MRPS25: variants seen among roughly 807,000 people sequenced by gnomAD.
MRPS25 encodes the protein small ribosomal subunit protein mS25.
MRPS25 carries 15 observed loss-of-function variants against 17.3 expected under a neutral mutation model. The observed-to-expected ratio is 0.87, with a 90% CI of 0.58 to 1.34. The LOEUF is 1.34. Ranked by LOEUF, MRPS25 falls within the 40% of genes most tolerant of loss-of-function variation. The pLI is 0.00. For missense variants in MRPS25, 225 were observed against 218.6 expected (o/e 1.03, Z -0.19); for synonymous variants, 94 against 83.3 (o/e 1.13, Z -0.70).
Position 15,065,057 on chromosome 3 carries a change from T to C in MRPS25, c.134+4A>G, listed in dbSNP as rs1370964909. On this transcript the variant is annotated splice_donor_region_variant and intron_variant, in intron 1 of 3. Transcript: ENST00000253686. Reference sequence around the variant, plus strand: ...CTCGCCAGGCGGCCGGGGCTGCGACTGACCTGGCGCCCTCGCCCAGCTCCC... The same window carrying C: ...CTCGCCAGGCGGCCGGGGCTGCGACCGACCTGGCGCCCTCGCCCAGCTCCC... 6.3e-7 allele frequency: 1 copy of C among 1,577,892 alleles called. No individual in the cohort carries two copies. The highest frequency in any genetic ancestry group is 8.6e-7 in the Non-Finnish European group (1 of 1,165,924).
intron 2 of MRPS25, among the ~76,000 whole-genome samples, chr3:15,058,285 G>T (rs886682920): frequency 6.6e-6 from 1 of 152,038 alleles, no homozygotes; most frequent in Non-Finnish European, 1.5e-5. Context: ...CGCCTCCCAG[G>T]TTCACACCAT....
intron 2 of MRPS25, among the ~76,000 whole-genome samples, chr3:15,057,467 C>A (rs567772889): frequency 5.3e-5 from 8 of 152,360 alleles, no homozygotes; most frequent in Admixed American, 4.6e-4. Context: ...GCAGCAAAAA[C>A]CACGAAACAT....
chr3:15,055,720 G>A (rs965837370), intron 2 of MRPS25, among the ~76,000 whole-genome samples: 1 of 151,434 alleles, frequency 6.6e-6, no homozygotes, highest in African/African-American at 2.4e-5. Flanking sequence ...GTGAGACTCC[G>A]TCTTTTAAAA....
In MRPS25 at chr3:15,051,291, C is replaced by T. The variant is rs2042601923; in HGVS notation, c.*1150G>A. 1 of 690,360 alleles carries T rather than the reference C, an allele frequency of 1.4e-6. No homozygotes were observed. Among genetic ancestry groups the T allele is most frequent in the African/African-American group, 1.9e-5 (1 of 51,480 alleles). 42.8% of individuals were successfully genotyped at this position (690,360 alleles called of 1,614,324 possible). A position where few individuals can be genotyped will look rare whatever the true frequency, so the allele number is the denominator to read the frequency against. ...GCCTTGATCTCGCAGGCTCGAGATCCTCCCACCTCAGCTTCCCAAATAGCT... is the reference window on the plus strand; with the variant it reads ...GCCTTGATCTCGCAGGCTCGAGATCTTCCCACCTCAGCTTCCCAAATAGCT... On this transcript the variant is annotated 3_prime_UTR_variant, in exon 4 of 4. Coordinates refer to ENST00000253686, the MANE Select transcript of MRPS25 (RefSeq NM_022497.5).
At position 15,052,101 on chromosome 3, in the gene MRPS25, C is replaced by T. The variant is rs1559326459; in HGVS notation, c.*340G>A. The T allele has an allele frequency of 9.6e-7, 1 of 1,045,712 alleles. No homozygotes were observed. The highest frequency in any genetic ancestry group is 1.7e-5 in the African/African-American group (1 of 59,538). The allele number at this position is 1,045,712 out of a possible 1,614,324, so 64.8% of individuals were successfully genotyped here. ...AAGCCAGCGGAGACCAGTAAAGGGT[C>T]GCAGGACCAAAACAGGTGTCAACAG... On this transcript the variant is annotated 3_prime_UTR_variant, in exon 4 of 4. Coordinates refer to ENST00000253686, the MANE Select transcript of MRPS25 (RefSeq NM_022497.5).
intron 2 of MRPS25, 38 bp downstream of exon 2, chr3:15,059,331 T>TGGGACAGCC: frequency 7.2e-7 from 1 of 1,396,722 alleles, no homozygotes; most frequent in Non-Finnish European, 1.0e-6. Flanking sequence ...CAGGCATGTC[T>TGGGACAGCC]GGGACAGCCC....
At chr3:15,043,447 T>TTTA (rs2042342939), downstream of MRPS25, 1 of 152,954 alleles carries the variant, frequency 6.5e-6, no homozygotes, top group Admixed American at 6.5e-5. Context: ...CTTATCAATG[T>TTTA]GTAACGTTAG....
rs2042596662 is a variant in MRPS25 at position 15,051,001 on chromosome 3, A to G, written c.*1440T>C. On this transcript the variant is annotated 3_prime_UTR_variant, in exon 4 of 4. Coordinates refer to ENST00000253686, the MANE Select transcript of MRPS25 (RefSeq NM_022497.5). Reference sequence around the variant, plus strand: ...CCAGTTACAGACCTGGAAAGCTTTTAGGACTTGACCAAGGCCCCAGCAGGT... The same window carrying G: ...CCAGTTACAGACCTGGAAAGCTTTTGGGACTTGACCAAGGCCCCAGCAGGT... 15 of 984,716 alleles carry G rather than the reference A, an allele frequency of 1.5e-5. No individual in the cohort carries two copies. Among genetic ancestry groups the G allele is most frequent in the Non-Finnish European group, 1.7e-5 (14 of 829,298 alleles). The allele number at this position is 984,716 out of a possible 1,614,324, so 61.0% of individuals were successfully genotyped here.
intron 2 of MRPS25, among the ~76,000 whole-genome samples, chr3:15,055,323 A>T (rs1014885679): frequency 4.6e-5 from 7 of 152,236 alleles, no homozygotes; most frequent in African/African-American, 1.7e-4. Flanking sequence ...ATCAATGAAT[A>T]AACATTTAAC....
At chr3:15,044,459 C>T (rs1335377329), downstream of MRPS25, 1 of 152,198 alleles carries the variant, frequency 6.6e-6, no homozygotes, top group African/African-American at 2.4e-5. Context: ...ACAGTATGCG[C>T]TTAAAAGGAA....
rs1324636110 is a variant in MRPS25 at position 15,052,177 on chromosome 3, C to T, written c.*264G>A. ...AAAGCCTTTCTGCTACACAGGCCTTCCTCTTCACTAGGACCAGATACACGC... is the reference window on the plus strand; with the variant it reads ...AAAGCCTTTCTGCTACACAGGCCTTTCTCTTCACTAGGACCAGATACACGC... On this transcript the variant is annotated 3_prime_UTR_variant, in exon 4 of 4. Transcript: ENST00000253686. 2.1e-5 allele frequency: 25 copies of T among 1,192,002 alleles called. No homozygotes were observed. The highest frequency in any genetic ancestry group is 2.3e-5 in the Non-Finnish European group (22 of 960,118). 73.8% of individuals were successfully genotyped at this position (1,192,002 alleles called of 1,614,324 possible). A position where few individuals can be genotyped will look rare whatever the true frequency, so the allele number is the denominator to read the frequency against.
chr3:15,052,931 G>C (rs1205911149), intron 3 of MRPS25, among the ~76,000 whole-genome samples: 1 of 152,202 alleles, frequency 6.6e-6, no homozygotes, highest in African/African-American at 2.4e-5. Context: ...AGATAAAGGA[G>C]CCTGAAAAGG....
chr3:15,049,089 A>G lies in MRPS25; in HGVS notation c.*3352T>C, dbSNP rs943830129. Reference sequence around the variant, plus strand: ...GCATGTTCTTTTTAAACTGAATTTTATATCTAATCAATGTCTTCAGTCTTG... The same window carrying G: ...GCATGTTCTTTTTAAACTGAATTTTGTATCTAATCAATGTCTTCAGTCTTG... On this transcript the variant is annotated 3_prime_UTR_variant, in exon 4 of 4. Transcript: ENST00000253686. 1 of 152,600 alleles carries G rather than the reference A, an allele frequency of 6.6e-6. No homozygotes were observed. Among genetic ancestry groups the G allele is most frequent in the Admixed American group, 6.5e-5 (1 of 15,278 alleles). The allele number at this position is 152,600 out of a possible 1,614,324, so 9.5% of individuals were successfully genotyped here. A position where few individuals can be genotyped will look rare whatever the true frequency, so the allele number is the denominator to read the frequency against.
chr3:15,056,340 G>C (rs913135574), intron 2 of MRPS25, among the ~76,000 whole-genome samples: 23 of 152,172 alleles, frequency 1.5e-4, no homozygotes, highest in Non-Finnish European at 1.2e-4. Flanking sequence ...CAATGGGATG[G>C]CCAAAATTTA....
intron 2 of MRPS25, among the ~76,000 whole-genome samples, chr3:15,054,971 G>A (rs1466864767): frequency 6.6e-6 from 1 of 152,188 alleles, no homozygotes; most frequent in African/African-American, 2.4e-5. Context: ...TCATAGTTCT[G>A]CAGGATGTAC....
rs1313423325 is a variant in MRPS25, at chr3:15,051,856, C to T, written c.*585G>A. On this transcript the variant is annotated 3_prime_UTR_variant, in exon 4 of 4. Coordinates refer to ENST00000253686, the MANE Select transcript of MRPS25 (RefSeq NM_022497.5). Reference sequence around the variant, plus strand: ...GGCTGGCCTGTCAGCCACTGGGGCTCCTCCATCTCTGGCCCATGGCTAGGC... The same window carrying T: ...GGCTGGCCTGTCAGCCACTGGGGCTTCTCCATCTCTGGCCCATGGCTAGGC... 2.0e-6 allele frequency: 2 copies of T among 985,502 alleles called. No homozygotes were observed. The highest frequency in any genetic ancestry group is 2.3e-4 in the East Asian group (2 of 8,812). 61.0% of individuals were successfully genotyped at this position (985,502 alleles called of 1,614,324 possible).
chr3:15,050,739 T>TC lies in MRPS25; in HGVS notation c.*1701dup, dbSNP rs759307474. On this transcript the variant is annotated 3_prime_UTR_variant, in exon 4 of 4. Transcript: ENST00000253686. Reference sequence around the variant, plus strand: ...AAGTCTGTCACTCAAGGAACACCTGTCCATTATACATCAGTCTCTGCCCAC... The same window carrying TC: ...AAGTCTGTCACTCAAGGAACACCTGTCCCATTATACATCAGTCTCTGCCCAC... The TC allele has an allele frequency of 3.2e-4, 317 of 985,364 alleles. No individual in the cohort carries two copies. The highest frequency in any genetic ancestry group is 3.8e-4 in the Non-Finnish European group (314 of 829,916). The allele number at this position is 985,364 out of a possible 1,614,324, so 61.0% of individuals were successfully genotyped here.
downstream of MRPS25, chr3:15,042,487 A>G (rs2042303806): frequency 1.6e-5 from 3 of 184,680 alleles, no homozygotes; most frequent in Non-Finnish European, 3.3e-5. Context: ...GGTTTGTATT[A>G]TCGTTTTTTA....
At chr3:15,043,051 G>A (rs1484300738), downstream of MRPS25, 2 of 1,563,208 alleles carry the variant, frequency 1.3e-6, no homozygotes, top group Non-Finnish European at 1.7e-6. Context: ...ATCCTTCCAG[G>A]ACCGTTCACA....
Sources: allele counts gnomAD v4.1 joint callset (sites outside exome capture counted in the v4.1 genomes callset), GRCh38; gene constraint gnomAD v4.1.1; transcripts MANE v1.5; gene names NCBI Gene and HGNC (gene_info 2026-07-23, HGNC 2026-07-21).